Variants in UNC79 observed in about 807,000 individuals in gnomAD.
UNC79 encodes the protein protein unc-79 homolog.
Under a neutral mutation model 283.1 loss-of-function variants are expected in UNC79, and 37 were observed. That is an observed-to-expected ratio of 0.13 (90% CI 0.10 to 0.17). The LOEUF is 0.17. Ranked by LOEUF, UNC79 falls within the 10% of genes least tolerant of loss-of-function variation. The probability of loss-of-function intolerance (pLI) is 1.00; values close to 1 mark genes in which losing one functional copy is unlikely to be tolerated. For synonymous variants in UNC79, 1,107 were observed against 1,200.2 expected (o/e 0.92, Z 1.61); for missense variants, 2,272 against 3,211.1 (o/e 0.71, Z 7.07).
chr14:93,429,290 C>A (rs1028894393), upstream of UNC79, among the ~76,000 whole-genome samples: 1 of 152,206 alleles, frequency 6.6e-6, no homozygotes, highest in Non-Finnish European at 1.5e-5. Context: ...ATAAATGGAA[C>A]TTCTCTTTGG....
At chr14:93,636,249 C>A (rs1433493846) in intron 31 of UNC79, among the ~76,000 whole-genome samples, 1 of 152,156 alleles carries the variant, frequency 6.6e-6, no homozygotes, top group Non-Finnish European at 1.5e-5. Flanking sequence ...CTCTGGTTTG[C>A]CATTTAATAT....
intron 1 of UNC79, among the ~76,000 whole-genome samples, chr14:93,438,235 G>C (rs2140120776): frequency 6.6e-6 from 1 of 152,198 alleles, no homozygotes; most frequent in East Asian, 1.9e-4. Flanking sequence ...TATTTTAAAT[G>C]TGAGTTTCAC....
intron 1 of UNC79, among the ~76,000 whole-genome samples, chr14:93,392,204 G>A (rs1335152941): frequency 2.0e-5 from 3 of 152,160 alleles, no homozygotes; most frequent in African/African-American, 7.2e-5. Flanking sequence ...AAGTGACAAA[G>A]AAGTCTTTGA....
intron 1 of UNC79, among the ~76,000 whole-genome samples, chr14:93,455,713 A>G (rs188679518): frequency 5.3e-5 from 8 of 152,190 alleles, no homozygotes; most frequent in Admixed American, 4.6e-4. Flanking sequence ...TATATATGCA[A>G]TATTTTAAAG....
At chr14:93,566,138 G>A (rs755062672) in intron 14 of UNC79, among the ~76,000 whole-genome samples, 1 of 152,104 alleles carries the variant, frequency 6.6e-6, no homozygotes, top group Non-Finnish European at 1.5e-5. Context: ...AGAGGGGTCC[G>A]GCCATCATGC....
intron 42 of UNC79, among the ~76,000 whole-genome samples, chr14:93,683,932 G>A (rs796793924): frequency 5.3e-5 from 8 of 151,760 alleles, no homozygotes; most frequent in African/African-American, 1.9e-4. Flanking sequence ...GATGAGTTTG[G>A]AAATGATTAT....
chr14:93,587,026 G>T, intron 22 of UNC79, 118 bp downstream of exon 22: 1 of 1,174,838 alleles, frequency 8.5e-7, no homozygotes, highest in Non-Finnish European at 1.2e-6. Flanking sequence ...AGGACAGCTC[G>T]ATTGCCTATG....
chr14:93,609,757 A>G (rs1218043151), intron 26 of UNC79, among the ~76,000 whole-genome samples: 1 of 152,196 alleles, frequency 6.6e-6, no homozygotes, highest in Non-Finnish European at 1.5e-5. Context: ...CAGCTTATCC[A>G]CAACTCATTT....
chr14:93,684,422 T>C (rs1047332142), intron 42 of UNC79, among the ~76,000 whole-genome samples: 8 of 152,328 alleles, frequency 5.3e-5, no homozygotes, highest in Admixed American at 3.3e-4. Context: ...GGAAACAAAG[T>C]AAATGTCTAA....
At chr14:93,338,120 G>C (rs1249711134) in intron 1 of UNC79, among the ~76,000 whole-genome samples, 1 of 152,148 alleles carries the variant, frequency 6.6e-6, no homozygotes. Context: ...CTGCCAGGCT[G>C]AGTGGGCAGA....
At chr14:93,377,027 C>T (rs2054572997) in intron 1 of UNC79, among the ~76,000 whole-genome samples, 3 of 150,196 alleles carry the variant, frequency 2.0e-5, no homozygotes, top group Admixed American at 2.0e-4. Flanking sequence ...TCACTGACTG[C>T]ATTTAGCTGC....
At position 93,616,436 on chromosome 14, in the gene UNC79, A is replaced by G. The variant is rs535744617; in HGVS notation, c.4042-686A>G. ...CAGGCTGGAGTGCAGTGGTGTGATCATGGCTCACTGCAGCCTCGACCTCCC... is the reference window on the plus strand; with the variant it reads ...CAGGCTGGAGTGCAGTGGTGTGATCGTGGCTCACTGCAGCCTCGACCTCCC... On this transcript the variant is annotated intron_variant, in intron 27 of 48. Coordinates refer to ENST00000555664, the Ensembl canonical transcript of UNC79. 2.9e-5 allele frequency among the ~76,000 whole-genome samples: 4 copies of G among 136,976 alleles called. No homozygotes were observed. In the East Asian group the frequency reaches 8.4e-4, roughly 29 times the overall value. The allele number at this position is 136,976 out of a possible 152,430, so 89.9% of individuals were successfully genotyped here.
At position 93,690,169 on chromosome 14, in the gene UNC79, C is replaced by T; in HGVS notation, c.7138C>T (p.Leu2380=). ...CCATATCCGACTGTTGTCCTGGCTG[C>T]TGCTGGGTTCCCTCACTCACAATGC... The change falls in exon 45 of 49, where the codon CTG becomes TTG. Residue 2380 remains leucine (L), a synonymous_variant. Coordinates refer to ENST00000555664, the Ensembl canonical transcript of UNC79. This position sits in a 1 kb window ranked among gnomAD's most constrained non-coding sequence, Gnocchi z 4.3. 2 of 1,614,192 alleles carry T rather than the reference C, an allele frequency of 1.2e-6. No individual in the cohort carries two copies. Among genetic ancestry groups the T allele is most frequent in the Middle Eastern group, 1.6e-4 (1 of 6,062 alleles).
At chr14:93,637,429 AC>A (rs1175321661) in intron 32 of UNC79, 130 bp downstream of exon 35, 19 of 1,456,080 alleles carry the variant, frequency 1.3e-5, no homozygotes, top group Non-Finnish European at 1.6e-5. Context: ...TTGCCCAAAC[AC>A]CCCCAGTGGC....
intron 39 of UNC79, among the ~76,000 whole-genome samples, chr14:93,660,725 G>C (rs1388246498): frequency 6.6e-6 from 1 of 151,252 alleles, no homozygotes; most frequent in East Asian, 1.9e-4. Flanking sequence ...CAAGTAGCTG[G>C]GACTACAGGC....
At chr14:93,555,979 T>G (rs1368101926) in intron 14 of UNC79, among the ~76,000 whole-genome samples, 2 of 152,170 alleles carry the variant, frequency 1.3e-5, no homozygotes, top group East Asian at 3.9e-4. Flanking sequence ...GTGGAGCCTT[T>G]TAAAGAACAA....
intron 14 of UNC79, among the ~76,000 whole-genome samples, chr14:93,563,041 C>T (rs540858196): frequency 6.6e-6 from 1 of 152,020 alleles, no homozygotes; most frequent in Non-Finnish European, 1.5e-5. Context: ...GACGGGCTAG[C>T]GGCTTGTAAC....
intron 1 of UNC79, among the ~76,000 whole-genome samples, chr14:93,362,025 CAG>C (rs1288878944): frequency 1.3e-5 from 2 of 152,190 alleles, no homozygotes; most frequent in Non-Finnish European, 2.9e-5. Flanking sequence ...CCTTGCATCT[CAG>C]GAATAAAACC....
intron 1 of UNC79, among the ~76,000 whole-genome samples, chr14:93,463,320 A>G (rs894369188): frequency 2.6e-5 from 4 of 152,070 alleles, no homozygotes. Flanking sequence ...GCAGTGGTGG[A>G]TGTGGGAGCC....
Sources: gnomAD v4.1 joint callset for allele counts (sites outside exome capture counted in the v4.1 genomes callset) on GRCh38, gnomAD v4.1.1 for gene constraint, Gnocchi (gnomAD v3.1) non-coding constraint, MANE v1.5 for transcripts, NCBI Gene and HGNC (gene_info 2026-07-23, HGNC 2026-07-21) for gene names.